ADAMTS19: variants seen among roughly 807,000 people sequenced by gnomAD.
The protein encoded by ADAMTS19 is ADAM metallopeptidase with thrombospondin type 1 motif 19, also known as A disintegrin and metalloproteinase with thrombospondin motifs 19.
Under a neutral mutation model 153.3 loss-of-function variants are expected in ADAMTS19, and 93 were observed. That is an observed-to-expected ratio of 0.61 (90% confidence interval 0.51 to 0.72). ADAMTS19 has a LOEUF of 0.72. Ranked by LOEUF, ADAMTS19 falls within the 30% of genes least tolerant of loss-of-function variation. ADAMTS19 has a pLI of 0.00. For missense variants in ADAMTS19, 1,482 were observed against 1,552.1 expected (o/e 0.95, Z 0.76); for synonymous variants, 600 against 556.6 (o/e 1.08, Z -1.10).
intron 7 of ADAMTS19, among the ~76,000 whole-genome samples, chr5:129,561,819 ACTATCTATCTATCTATCTAT>A (rs3071537): frequency 1.3e-5 from 2 of 148,182 alleles, no homozygotes; most frequent in East Asian, 2.0e-4. Context: ...ATTTCACCCT[ACTATCTATCTATCTATCTAT>A]CTATCTATCT....
At chr5:129,672,839 T>A (rs576356215) in intron 16 of ADAMTS19, among the ~76,000 whole-genome samples, 1 of 152,104 alleles carries the variant, frequency 6.6e-6, no homozygotes, top group South Asian at 2.1e-4. Flanking sequence ...CACAAATACA[T>A]ACATATATGG....
At chr5:129,643,382 A>AAAAAAAAAAAAAAAAAAG (rs1554101887) in intron 11 of ADAMTS19, among the ~76,000 whole-genome samples, 17 of 142,766 alleles carry the variant, frequency 1.2e-4, no homozygotes, top group South Asian at 2.2e-4. Context: ...AAAAAAAAAA[A>AAAAAAAAAAAAAAAAAAG]AAAAGAAAAA....
chr5:129,546,403 A>G (rs1363376761), intron 6 of ADAMTS19, among the ~76,000 whole-genome samples: 2 of 151,028 alleles, frequency 1.3e-5, no homozygotes, highest in African/African-American at 2.5e-5. Context: ...AATTAAAAAA[A>G]AGAGAAGATA....
chr5:129,607,926 G>A (rs1211297035), intron 8 of ADAMTS19, among the ~76,000 whole-genome samples: 1 of 150,082 alleles, frequency 6.7e-6, no homozygotes. Context: ...TAAAGAAAAT[G>A]TGGTGTGTGT....
chr5:129,522,594 T>G (rs563054023), intron 3 of ADAMTS19, among the ~76,000 whole-genome samples: 46 of 152,012 alleles, frequency 3.0e-4, no homozygotes, highest in African/African-American at 9.2e-4. Flanking sequence ...TTATTACATA[T>G]TTTTAAAATC....
intron 2 of ADAMTS19, among the ~76,000 whole-genome samples, chr5:129,481,188 C>T (rs1354804393): frequency 1.3e-5 from 2 of 152,138 alleles, no homozygotes; most frequent in African/African-American, 4.8e-5. Flanking sequence ...AGGAAACTTA[C>T]AATCATGGCA....
intron 10 of ADAMTS19, among the ~76,000 whole-genome samples, chr5:129,623,656 C>T (rs1254550890): frequency 6.6e-6 from 1 of 152,112 alleles, no homozygotes; most frequent in Non-Finnish European, 1.5e-5. Context: ...TTATTAATTG[C>T]TTTTGATCAG....
chr5:129,473,838 T>C (rs1750140706), intron 2 of ADAMTS19, among the ~76,000 whole-genome samples: 1 of 152,150 alleles, frequency 6.6e-6, no homozygotes. Context: ...GGCTGATTTT[T>C]TCAGGGTAAA....
chr5:129,561,196 CTTTG>C (rs1429678632), intron 7 of ADAMTS19, among the ~76,000 whole-genome samples: 4 of 151,968 alleles, frequency 2.6e-5, no homozygotes, highest in African/African-American at 7.3e-5. Flanking sequence ...TTGAGAGTTT[CTTTG>C]TTTGGGTTCT....
chr5:129,737,015 C>G, intron 22 of ADAMTS19, 52 bp from the exon 23 acceptor site: 1 of 1,431,804 alleles, frequency 7.0e-7, no homozygotes, highest in Non-Finnish European at 9.3e-7. Context: ...TTGGTTTTTA[C>G]TGACATATAT....
intron 3 of ADAMTS19, among the ~76,000 whole-genome samples, chr5:129,519,341 T>C (rs1218833356): frequency 6.6e-6 from 1 of 152,048 alleles, no homozygotes; most frequent in African/African-American, 2.4e-5. Context: ...TGTGCTCATA[T>C]CCTAGATGTA....
chr5:129,600,648 C>G (rs1382540187), intron 8 of ADAMTS19, among the ~76,000 whole-genome samples: 1 of 151,854 alleles, frequency 6.6e-6, no homozygotes, highest in Non-Finnish European at 1.5e-5. Flanking sequence ...ATAAAGAGAA[C>G]CAACAATTTT....
At chr5:129,689,960 C>T (rs1318444672) in intron 18 of ADAMTS19, among the ~76,000 whole-genome samples, 1 of 152,158 alleles carries the variant, frequency 6.6e-6, no homozygotes, top group Non-Finnish European at 1.5e-5. Flanking sequence ...ATAAGAAGAA[C>T]TGGATTCCTG....
intron 14 of ADAMTS19, among the ~76,000 whole-genome samples, chr5:129,655,067 C>A (rs913655576): frequency 1.3e-5 from 2 of 152,128 alleles, no homozygotes; most frequent in Non-Finnish European, 2.9e-5. Flanking sequence ...ATGGTTCTGC[C>A]ACTGTCTCAA....
chr5:129,549,872 G>A (rs565259256), intron 6 of ADAMTS19, among the ~76,000 whole-genome samples: 1 of 46,436 alleles, frequency 2.2e-5, no homozygotes, highest in South Asian at 6.4e-4. Context: ...ATCCGTATAT[G>A]TATATATGTA....
rs564393076 is a variant in ADAMTS19 at position 129,604,826 on chromosome 5, T to G, written c.1478+8162T>G. On this transcript the variant is annotated intron_variant, in intron 8 of 22. Coordinates refer to ENST00000274487, the MANE Select transcript of ADAMTS19 (RefSeq NM_133638.6). ...ATTTTGAAATGTACCCAAGACCACA[T>G]AAATGAGACTTTATTCTGGTACACA... Among the ~76,000 whole-genome samples, 55 of 152,274 alleles carry G rather than the reference T, an allele frequency of 3.6e-4. 1 individual carries two copies. Among genetic ancestry groups the G allele is most frequent in the African/African-American group, 1.2e-3 (49 of 41,566 alleles).
intron 3 of ADAMTS19, among the ~76,000 whole-genome samples, chr5:129,510,745 G>T (rs1018523216): frequency 6.6e-6 from 1 of 151,564 alleles, no homozygotes; most frequent in Non-Finnish European, 1.5e-5. Context: ...AGCAGGCTCT[G>T]TATGCCATTA....
chr5:129,705,611 A>G (rs1756114829), intron 21 of ADAMTS19, among the ~76,000 whole-genome samples: 1 of 152,256 alleles, frequency 6.6e-6, no homozygotes. Context: ...AGTGAGAAAT[A>G]TTCAGCTCAA....
chr5:129,654,658 C>T (rs907147787), intron 14 of ADAMTS19, among the ~76,000 whole-genome samples: 1 of 152,120 alleles, frequency 6.6e-6, no homozygotes, highest in African/African-American at 2.4e-5. Flanking sequence ...CTATTACTAA[C>T]TGAAAGAATC....
Sources: gnomAD v4.1 joint callset for allele counts (sites outside exome capture counted in the v4.1 genomes callset) on GRCh38, gnomAD v4.1.1 for gene constraint, MANE v1.5 for transcripts, NCBI Gene and HGNC (gene_info 2026-07-23, HGNC 2026-07-21) for gene names.